Variants in CUX2 observed in about 807,000 individuals in gnomAD.
CUX2 encodes the protein cut like homeobox 2, also known as homeobox protein cut-like 2.
A neutral mutation model predicts 144.8 loss-of-function variants in CUX2; 40 were observed. That is an observed-to-expected ratio of 0.28 (90% CI 0.21 to 0.36). The LOEUF (loss-of-function observed/expected upper bound fraction) is 0.36. Ranked by LOEUF, CUX2 falls within the 10% of genes least tolerant of loss-of-function variation. The probability of loss-of-function intolerance (pLI) is 1.00; values close to 1 mark genes in which losing one functional copy is unlikely to be tolerated. For missense variants in CUX2, 1,615 were observed against 1,994.0 expected, an observed-to-expected ratio of 0.81 and a Z score of 3.62; for synonymous variants, 827 against 875.6, an observed-to-expected ratio of 0.94 and a Z score of 0.98.
chr12:111,192,642 G>A (rs943295017), intron 1 of CUX2, among the ~76,000 whole-genome samples: 2 of 152,172 alleles, frequency 1.3e-5, no homozygotes, highest in Non-Finnish European at 2.9e-5. Context: ...CAGCCCACCC[G>A]GGGTCTGACA....
intron 1 of CUX2, among the ~76,000 whole-genome samples, chr12:111,053,771 G>A (rs1870390206): frequency 6.6e-6 from 1 of 152,202 alleles, no homozygotes; most frequent in Admixed American, 6.5e-5. Flanking sequence ...GTATCAGACG[G>A]TGAACTCATT....
intron 1 of CUX2, among the ~76,000 whole-genome samples, chr12:111,066,270 A>C (rs1458976887): frequency 6.6e-6 from 1 of 152,208 alleles, no homozygotes; most frequent in African/African-American, 2.4e-5. Flanking sequence ...CTATATATTT[A>C]AAGGGATGCT....
At chr12:111,146,493 G>A (rs963647795) in intron 1 of CUX2, among the ~76,000 whole-genome samples, 1 of 152,150 alleles carries the variant, frequency 6.6e-6, no homozygotes, top group Non-Finnish European at 1.5e-5. Flanking sequence ...CTTCTGCATG[G>A]CAGCCCCAGG....
At chr12:111,078,389 A>T (rs559462544) in intron 1 of CUX2, among the ~76,000 whole-genome samples, 1 of 152,342 alleles carries the variant, frequency 6.6e-6, no homozygotes, top group South Asian at 2.1e-4. Flanking sequence ...GTTGGGGGCC[A>T]GGTGCAGCAG....
chr12:111,296,666 T>TCCAGTACTTGCCTCCA, intron 8 of CUX2, 127 bp downstream of exon 8: 1 of 734,508 alleles, frequency 1.4e-6, no homozygotes, highest in Admixed American at 2.3e-5. Context: ...CCTCTGACCC[T>TCCAGTACTTGCCTCCA]CCAGTACTTG....
intron 1 of CUX2, among the ~76,000 whole-genome samples, chr12:111,118,051 G>A (rs2136091193): frequency 6.6e-6 from 1 of 152,274 alleles, no homozygotes; most frequent in Non-Finnish European, 1.5e-5. Context: ...GTGATGACCA[G>A]ACATCCTTCC....
chr12:111,271,062 T>C (rs1022679684), intron 4 of CUX2, among the ~76,000 whole-genome samples: 1 of 152,218 alleles, frequency 6.6e-6, no homozygotes, highest in Non-Finnish European at 1.5e-5. Flanking sequence ...CAGCAGCCCA[T>C]TGACATCAGG....
chr12:111,303,474 A>G (rs1886412422), intron 9 of CUX2, among the ~76,000 whole-genome samples: 1 of 151,798 alleles, frequency 6.6e-6, no homozygotes, highest in Non-Finnish European at 1.5e-5. Flanking sequence ...CACCTCTACT[A>G]AAAATACAAA....
At chr12:111,088,905 C>T (rs969968417) in intron 1 of CUX2, among the ~76,000 whole-genome samples, 4 of 152,144 alleles carry the variant, frequency 2.6e-5, no homozygotes, top group African/African-American at 9.7e-5. Flanking sequence ...TGGGGAGAGG[C>T]GGTGGAGAGT....
chr12:111,197,078 G>A (rs1444470946), intron 1 of CUX2, among the ~76,000 whole-genome samples: 3 of 152,188 alleles, frequency 2.0e-5, no homozygotes, highest in Non-Finnish European at 2.9e-5. Flanking sequence ...GGAGCTAGGA[G>A]GACCCAGGTG....
chr12:111,268,391 A>T (rs562559870), intron 4 of CUX2, among the ~76,000 whole-genome samples: 1 of 152,268 alleles, frequency 6.6e-6, no homozygotes, highest in Non-Finnish European at 1.5e-5. Context: ...GCCCAGCTCA[A>T]AGACACTTTG....
intron 1 of CUX2, among the ~76,000 whole-genome samples, chr12:111,048,407 A>G (rs1348965092): frequency 6.6e-6 from 1 of 152,166 alleles, no homozygotes; most frequent in Non-Finnish European, 1.5e-5. Flanking sequence ...GGGAGTGGAG[A>G]GATTGCCATG....
intron 1 of CUX2, among the ~76,000 whole-genome samples, chr12:111,055,896 C>T (rs570435204): frequency 6.6e-6 from 1 of 152,318 alleles, no homozygotes; most frequent in Non-Finnish European, 1.5e-5. Flanking sequence ...CGCTGGGAGT[C>T]GGGCTGATCG....
chr12:111,147,577 C>T (rs139853458), intron 1 of CUX2, among the ~76,000 whole-genome samples: 3 of 152,132 alleles, frequency 2.0e-5, no homozygotes, highest in South Asian at 2.1e-4. Flanking sequence ...GGATCCAGCT[C>T]TCATAGGTTG....
At chr12:111,192,556 A>G (rs541499377) in intron 1 of CUX2, among the ~76,000 whole-genome samples, 3 of 152,200 alleles carry the variant, frequency 2.0e-5, no homozygotes, top group South Asian at 4.2e-4. Context: ...GTGGCTGCTA[A>G]TAACCCCTGC....
chr12:111,281,170 T>A (rs1381894279), intron 4 of CUX2, among the ~76,000 whole-genome samples: 2 of 152,148 alleles, frequency 1.3e-5, no homozygotes, highest in Non-Finnish European at 1.5e-5. Flanking sequence ...CTCATCTACA[T>A]TATCAACAGA....
intron 4 of CUX2, among the ~76,000 whole-genome samples, chr12:111,290,460 C>G (rs1164795231): frequency 2.0e-5 from 3 of 152,130 alleles, no homozygotes; most frequent in African/African-American, 7.2e-5. Flanking sequence ...TGGAGCCTTA[C>G]TCTGTCCCCC....
At chr12:111,169,025 A>G (rs539862916) in intron 1 of CUX2, among the ~76,000 whole-genome samples, 1 of 152,034 alleles carries the variant, frequency 6.6e-6, no homozygotes, top group Non-Finnish European at 1.5e-5. Flanking sequence ...GCCAAAATTC[A>G]TGTCCACCTA....
chr12:111,051,945 T>C (rs1870287364), intron 1 of CUX2, among the ~76,000 whole-genome samples: 1 of 152,208 alleles, frequency 6.6e-6, no homozygotes, highest in Non-Finnish European at 1.5e-5. Context: ...TTGTAACTTA[T>C]AGGAATCAAG....
Sources: allele counts gnomAD v4.1 joint callset (sites outside exome capture counted in the v4.1 genomes callset), GRCh38; gene constraint gnomAD v4.1.1; transcripts MANE v1.5; gene names NCBI Gene and HGNC (gene_info 2026-07-23, HGNC 2026-07-21).